The following PLCG1 variants were observed in gnomAD, a reference collection of about 807,000 sequenced individuals.
The protein encoded by PLCG1 is phospholipase C gamma 1.
A neutral mutation model predicts 177.8 loss-of-function variants in PLCG1; 71 were observed. That is an observed-to-expected ratio of 0.40 (90% CI 0.33 to 0.49). The LOEUF (loss-of-function observed/expected upper bound fraction) is 0.49, where lower values mean the gene tolerates loss of function less well. PLCG1 is among the 20% of genes least tolerant of loss of function. PLCG1 has a pLI of 0.72. For synonymous variants in PLCG1, 658 were observed against 647.9 expected (o/e 1.02, Z -0.24); for missense variants, 1,281 against 1,709.0 (o/e 0.75, Z 4.42).
rs1326629406 is a variant in PLCG1, at chr20:41,146,845, CAGCCTA to C, written c.217+8990_217+8995del. ...GAGAATTCCAACCCCACCTTGACTT[CAGCCTA>C]AGGCCCAGAGAGTGTGGGCCTGAGT... On this transcript the variant is annotated intron_variant, in intron 1 of 31. Coordinates refer to ENST00000685551, the MANE Select transcript of PLCG1 (RefSeq NM_002660.3). This position sits in a 1 kb window ranked among gnomAD's most constrained non-coding sequence, Gnocchi z 6.3. 6.6e-6 allele frequency among the ~76,000 whole-genome samples: 1 copy of C among 152,136 alleles called. No individual in the cohort carries two copies. The highest frequency in any genetic ancestry group is 6.5e-5 in the Admixed American group (1 of 15,274).
chr20:41,146,980 T>A lies in PLCG1; in HGVS notation c.217+9122T>A, dbSNP rs1259683074. Reference sequence around the variant, plus strand: ...TGGGGGCAGGAGGTGAGCTAAGGAATACAACTCCATTCCCTCAGTTGGGAG... The same window carrying A: ...TGGGGGCAGGAGGTGAGCTAAGGAAAACAACTCCATTCCCTCAGTTGGGAG... On this transcript the variant is annotated intron_variant, in intron 1 of 31. Coordinates refer to ENST00000685551, the MANE Select transcript of PLCG1 (RefSeq NM_002660.3). The surrounding 1 kb of genome is among the most constrained non-coding windows in gnomAD (Gnocchi z 6.3). 6.6e-6 allele frequency among the ~76,000 whole-genome samples: 1 copy of A among 152,140 alleles called. No homozygotes were observed. Among genetic ancestry groups the A allele is most frequent in the Admixed American group, 6.6e-5 (1 of 15,256 alleles).
chr20:41,149,555 G>A (rs2035100624), intron 1 of PLCG1, among the ~76,000 whole-genome samples: 1 of 152,232 alleles, frequency 6.6e-6, no homozygotes, highest in Admixed American at 6.5e-5. Flanking sequence ...GACGTTTTGA[G>A]ATGAAGAGTG....
rs779883913 is a variant in PLCG1, at chr20:41,167,402, G to A, written c.2302-450G>A. 6.6e-6 allele frequency among the ~76,000 whole-genome samples: 1 copy of A among 152,188 alleles called. No individual in the cohort carries two copies. Among genetic ancestry groups the A allele is most frequent in the Non-Finnish European group, 1.5e-5 (1 of 68,028 alleles). Reference sequence around the variant, plus strand: ...CTGTCGTCAGTAGACAGGGCTGGCTGGGGAGAGAGAGGCCTGTTGTCCACT... The same window carrying A: ...CTGTCGTCAGTAGACAGGGCTGGCTAGGGAGAGAGAGGCCTGTTGTCCACT... On this transcript the variant is annotated intron_variant, in intron 19 of 31. Transcript: ENST00000685551. The surrounding 1 kb of genome is among the most constrained non-coding windows in gnomAD (Gnocchi z 4.4).
rs200825598 is a variant in PLCG1 at position 41,174,261 on chromosome 20, C to T, written c.3783C>T (p.Phe1261=). 6 of 1,614,194 alleles carry T rather than the reference C, an allele frequency of 3.7e-6. No individual in the cohort carries two copies. The South Asian group carries it at 5.5e-5, about 15-fold the overall frequency. ...ESRYQQPFED[F]RISQEHLADH... ...GCTACCAGCAGCCGTTTGAGGACTT[C>T]CGCATCTCCCAGGAGCATCTCGCAG... is the stretch of plus-strand genomic sequence containing the variant. Residue 1261 remains phenylalanine (F), a synonymous_variant, in exon 31 of 32, where the codon TTC becomes TTT. Transcript: ENST00000685551. This position sits in a 1 kb window ranked among gnomAD's most constrained non-coding sequence, Gnocchi z 5.8.
chr20:41,163,460 C>G lies in PLCG1; in HGVS notation c.872C>G (p.Pro291Arg). ...GACCCCTTACGAGAGATCGAGGAGC[C>G]ATACTTCTTCCTGGATGAGGTGAGC... ...LRDPLREIEE[P>R]YFFLDEFVTF... The change falls in exon 9 of 32, where the codon CCA becomes CGA. Residue 291 changes from proline (P) to arginine (R), a missense_variant. Transcript: ENST00000685551. This position sits in a 1 kb window ranked among gnomAD's most constrained non-coding sequence, Gnocchi z 5.2. 6.2e-7 allele frequency: 1 copy of G among 1,610,510 alleles called. No individual in the cohort carries two copies. Among genetic ancestry groups the G allele is most frequent in the Non-Finnish European group, 8.5e-7 (1 of 1,177,752 alleles).
Position 41,163,386 on chromosome 20 carries a change from G to T in PLCG1, c.798G>T (p.Trp266Cys). 1 of 1,612,824 alleles carries T rather than the reference G, an allele frequency of 6.2e-7. No individual in the cohort carries two copies. Among genetic ancestry groups the T allele is most frequent in the Non-Finnish European group, 8.5e-7 (1 of 1,178,972 alleles). The change falls in exon 9 of 32, where the codon TGG becomes TGT. Residue 266 changes from tryptophan to cysteine, a missense_variant. Physicochemically the swap from Trp to Cys is radical, Grantham distance 215. This residue lies in a region of PLCG1 where 374 missense variants were observed against 443.8 expected (regional missense o/e 0.84). Transcript: ENST00000685551. This position sits in a 1 kb window ranked among gnomAD's most constrained non-coding sequence, Gnocchi z 5.2. ...CCTCCCTACCCCATCAGGAGCTGTGGGCTGTTGATCGCCTCCAGGTGCAGG... is the reference window on the plus strand; with the variant it reads ...CCTCCCTACCCCATCAGGAGCTGTGTGCTGTTGATCGCCTCCAGGTGCAGG... Reference protein sequence around the residue: ...QFLLDYQGELWAVDRLQVQEF... With the variant: ...QFLLDYQGELCAVDRLQVQEF...
At position 41,144,585 on chromosome 20, in the gene PLCG1, G is replaced by A. The variant is rs1028478646; in HGVS notation, c.217+6727G>A. Among the ~76,000 whole-genome samples the A allele has an allele frequency of 6.6e-6, 1 of 152,220 alleles. No individual in the cohort carries two copies. Among genetic ancestry groups the A allele is most frequent in the Non-Finnish European group, 1.5e-5 (1 of 68,048 alleles). On this transcript the variant is annotated intron_variant, in intron 1 of 31. Transcript: ENST00000685551. This position sits in a 1 kb window ranked among gnomAD's most constrained non-coding sequence, Gnocchi z 4.1. ...CCTCACCCTCTTGACTTTCTGGTTT[G>A]TGGTGACACTTCCGCCTAAGCTTCT...
intron 1 of PLCG1, among the ~76,000 whole-genome samples, chr20:41,140,580 T>C (rs2030976146): frequency 6.6e-6 from 1 of 152,154 alleles, no homozygotes; most frequent in Non-Finnish European, 1.5e-5. Context: ...TGTAAGACCT[T>C]CTTCTGCCCT....
At chr20:41,138,165 G>C (rs924622639) in intron 1 of PLCG1, among the ~76,000 whole-genome samples, 1 of 152,206 alleles carries the variant, frequency 6.6e-6, no homozygotes. Context: ...GGGCCCCCCA[G>C]ACCCTGGGAG....
At chr20:41,138,718 C>T (rs910810339) in intron 1 of PLCG1, among the ~76,000 whole-genome samples, 5 of 152,104 alleles carry the variant, frequency 3.3e-5, no homozygotes, top group Non-Finnish European at 7.4e-5. Flanking sequence ...GGAGCGGGAG[C>T]GGCTTCTCTT....
At position 41,147,087 on chromosome 20, in the gene PLCG1, A is replaced by G. The variant is rs961242273; in HGVS notation, c.217+9229A>G. Among the ~76,000 whole-genome samples, 1 of 152,118 alleles carries G rather than the reference A, an allele frequency of 6.6e-6. No homozygotes were observed. Among genetic ancestry groups the G allele is most frequent in the East Asian group, 1.9e-4 (1 of 5,196 alleles). ...CTTTATGGTCACCCTATTCTGCCTG[A>G]TAGTCCACCACCTGTTTGGAGGCAG... On this transcript the variant is annotated intron_variant, in intron 1 of 31. Transcript: ENST00000685551. This position sits in a 1 kb window ranked among gnomAD's most constrained non-coding sequence, Gnocchi z 4.0.
chr20:41,174,360 C>T lies in PLCG1; in HGVS notation c.3833+49C>T. 1 of 1,602,128 alleles carries T rather than the reference C, an allele frequency of 6.2e-7. No individual in the cohort carries two copies. Among genetic ancestry groups the T allele is most frequent in the East Asian group, 2.2e-5 (1 of 44,682 alleles). ...GAGCCAGGAAGGCAGTGGCTAGGTC[C>T]TCCTTCTTCAGTGTTTCTTTCTCCT... is the stretch of plus-strand genomic sequence containing the variant. On this transcript the variant is annotated intron_variant, in intron 31 of 31. Coordinates refer to ENST00000685551, the MANE Select transcript of PLCG1 (RefSeq NM_002660.3). This position sits in a 1 kb window ranked among gnomAD's most constrained non-coding sequence, Gnocchi z 5.8.
Position 41,157,240 on chromosome 20 carries a change from G to GTGTGTGTA in PLCG1, c.218-2365_218-2364insGTGTGTAT, listed in dbSNP as rs1491401219. On this transcript the variant is annotated intron_variant, in intron 1 of 31. Coordinates refer to ENST00000685551, the MANE Select transcript of PLCG1 (RefSeq NM_002660.3). This position sits in a 1 kb window ranked among gnomAD's most constrained non-coding sequence, Gnocchi z 5.4. ...TGTGTGTGTGTGTGTGTGTGTGTGT[G>GTGTGTGTA]TACAGTCACACTCACCTTTGCAAGA... 6.2e-5 allele frequency among the ~76,000 whole-genome samples: 9 copies of GTGTGTGTA among 145,934 alleles called. No homozygotes were observed. Among genetic ancestry groups the GTGTGTGTA allele is most frequent in the Non-Finnish European group, 1.2e-4 (8 of 65,450 alleles).
Position 41,144,536 on chromosome 20 carries a change from G to T in PLCG1, c.217+6678G>T, listed in dbSNP as rs565034793. Reference sequence around the variant, plus strand: ...CTACATGGGGGTGAATGTAGCCGCTGATTGGGGGTGGGACACAGAAGAGCC... The same window carrying T: ...CTACATGGGGGTGAATGTAGCCGCTTATTGGGGGTGGGACACAGAAGAGCC... On this transcript the variant is annotated intron_variant, in intron 1 of 31. Transcript: ENST00000685551. The surrounding 1 kb of genome is among the most constrained non-coding windows in gnomAD (Gnocchi z 4.1). 2.6e-5 allele frequency among the ~76,000 whole-genome samples: 4 copies of T among 152,280 alleles called. No homozygotes were observed. Among genetic ancestry groups the T allele is most frequent in the African/African-American group, 9.6e-5 (4 of 41,562 alleles).
In PLCG1 at chr20:41,163,939, G is replaced by A; in HGVS notation, c.1029G>A (p.Gln343=). 6 of 1,614,182 alleles carry A rather than the reference G, an allele frequency of 3.7e-6. No homozygotes were observed. The highest frequency in any genetic ancestry group is 1.7e-6 in the Non-Finnish European group (2 of 1,180,034). Residue 343 remains glutamine (Q), a synonymous_variant, in exon 11 of 32, where the codon CAG becomes CAA. Transcript: ENST00000685551. This position sits in a 1 kb window ranked among gnomAD's most constrained non-coding sequence, Gnocchi z 5.2. ...SSHNTYLTGD[Q]FSSESSLEAY... is the part of the protein sequence containing the mutation. ...TATCCAGGTACCTGACCGGGGACCA[G>A]TTCTCCAGTGAGTCCTCCTTGGAAG...
rs2035232442 is a variant in PLCG1, at chr20:41,153,666, G to GTCACTGGAGGT, written c.218-5940_218-5939insTCACTGGAGGT. Reference sequence around the variant, plus strand: ...AATCCCAGCACTTTGGGAGGCCGAGGCAGGCGAATCACTGGAGGTCAGGAG... The same window carrying GTCACTGGAGGT: ...AATCCCAGCACTTTGGGAGGCCGAGGTCACTGGAGGTCAGGCGAATCACTGGAGGTCAGGAG... On this transcript the variant is annotated intron_variant, in intron 1 of 31. Transcript: ENST00000685551. This position sits in a 1 kb window ranked among gnomAD's most constrained non-coding sequence, Gnocchi z 5.1. Among the ~76,000 whole-genome samples, 1 of 152,178 alleles carries GTCACTGGAGGT rather than the reference G, an allele frequency of 6.6e-6. No homozygotes were observed. Among genetic ancestry groups the GTCACTGGAGGT allele is most frequent in the Non-Finnish European group, 1.5e-5 (1 of 68,032 alleles).
intron 1 of PLCG1, among the ~76,000 whole-genome samples, chr20:41,158,927 G>T (rs376711019): frequency 6.6e-6 from 1 of 152,238 alleles, no homozygotes; most frequent in African/African-American, 2.4e-5. Flanking sequence ...ATTCAAGCCC[G>T]TGTACCTCTC....
chr20:41,137,740 C>A lies in PLCG1; in HGVS notation c.99C>A (p.Thr33=), dbSNP rs1190376049. ...LHLCRSLEVG[T]VMTLFYSKKS... ...TCTGCCGCAGCCTCGAGGTGGGCAC[C>A]GTCATGACTTTGTTCTACTCCAAGA... is the stretch of plus-strand genomic sequence containing the variant. The change falls in exon 1 of 32, where the codon ACC becomes ACA. Residue 33 remains threonine (T), a synonymous_variant. Transcript: ENST00000685551. The surrounding 1 kb of genome is among the most constrained non-coding windows in gnomAD (Gnocchi z 7.3). 7.6e-7 allele frequency: 1 copy of A among 1,321,458 alleles called. No individual in the cohort carries two copies. Among genetic ancestry groups the A allele is most frequent in the East Asian group, 3.1e-5 (1 of 32,738 alleles). The allele number at this position is 1,321,458 out of a possible 1,614,324, so 81.9% of individuals were successfully genotyped here. A position where few individuals can be genotyped will look rare whatever the true frequency, so the allele number is the denominator to read the frequency against.
Position 41,157,550 on chromosome 20 carries a change from C to G in PLCG1, c.218-2056C>G, listed in dbSNP as rs73907109. On this transcript the variant is annotated intron_variant, in intron 1 of 31. Transcript: ENST00000685551. The surrounding 1 kb of genome is among the most constrained non-coding windows in gnomAD (Gnocchi z 5.4). ...TACCTGCCTTTTTCATTTCTTCAGT[C>G]ATTAAGCAAGCCCTGGAGGGGCCCT... 6.6e-6 allele frequency among the ~76,000 whole-genome samples: 1 copy of G among 152,286 alleles called. No homozygotes were observed. The highest frequency in any genetic ancestry group is 2.4e-5 in the African/African-American group (1 of 41,540).
Sources: allele counts gnomAD v4.1 joint callset (sites outside exome capture counted in the v4.1 genomes callset), GRCh38; gene constraint gnomAD v4.1.1; regional missense constraint gnomAD v4.1.1; non-coding constraint Gnocchi (gnomAD v3.1); transcripts MANE v1.5; gene names NCBI Gene and HGNC (gene_info 2026-07-23, HGNC 2026-07-21).